PCDHGA5: variants seen among roughly 807,000 people sequenced by gnomAD.
The protein encoded by PCDHGA5 is protocadherin gamma subfamily A, 5.
In PCDHGA5, 36 loss-of-function variants were observed where a neutral mutation model predicts 56.7. That is an observed-to-expected ratio of 0.64 (90% CI 0.49 to 0.84). The LOEUF (loss-of-function observed/expected upper bound fraction) is 0.84, where lower values mean the gene tolerates loss of function less well. Ranked by LOEUF, PCDHGA5 falls within the 40% of genes least tolerant of loss-of-function variation. The pLI is 0.00. For synonymous variants in PCDHGA5, 563 were observed against 520.2 expected (o/e 1.08, Z -1.12); for missense variants, 1,305 against 1,201.5 (o/e 1.09, Z -1.27).
chr5:141,390,855 A>G (rs941626765), intron 1 of PCDHGA5: 5 of 156,986 alleles, frequency 3.2e-5, no homozygotes, highest in African/African-American at 1.0e-4. Context: ...TATGCAGTGT[A>G]CGCTGTGTGT....
At position 141,431,566 on chromosome 5, in the gene PCDHGA5, T is replaced by G; in HGVS notation, c.2422-63241T>G. ...TGCTTGTAGTCAACGCTACCGACCCTGACGAAGGAGTCAATGCGGAAGTGA... is the reference window on the plus strand; with the variant it reads ...TGCTTGTAGTCAACGCTACCGACCCGGACGAAGGAGTCAATGCGGAAGTGA... On this transcript the variant is annotated intron_variant, in intron 1 of 3. Transcript: ENST00000518069. This position sits in a 1 kb window ranked among gnomAD's most constrained non-coding sequence, Gnocchi z 4.8. 6.2e-7 allele frequency: 1 copy of G among 1,614,128 alleles called. No homozygotes were observed. The highest frequency in any genetic ancestry group is 1.1e-5 in the South Asian group (1 of 91,088).
chr5:141,463,965 C>T (rs1207852177), intron 1 of PCDHGA5, among the ~76,000 whole-genome samples: 1 of 151,648 alleles, frequency 6.6e-6, no homozygotes, highest in African/African-American at 2.4e-5. Context: ...AAAATAGCTT[C>T]ATAAAACTCC....
chr5:141,371,872 C>A, intron 1 of PCDHGA5: 1 of 1,613,534 alleles, frequency 6.2e-7, no homozygotes, highest in Non-Finnish European at 8.5e-7. Context: ...TACATCGTGG[C>A]CAGTGACCTG....
At chr5:141,408,632 G>C (rs2154540395) in intron 1 of PCDHGA5, 3 of 1,613,952 alleles carry the variant, frequency 1.9e-6, no homozygotes, top group Non-Finnish European at 1.7e-6. Flanking sequence ...AGAAATTTTC[G>C]AATCTGCATC....
In PCDHGA5 at chr5:141,364,232, G is replaced by A; in HGVS notation, c.-99G>A. On this transcript the variant is annotated 5_prime_UTR_variant, in exon 1 of 4. Coordinates refer to ENST00000518069, the MANE Select transcript of PCDHGA5 (RefSeq NM_018918.3). The stretch of plus-strand genomic sequence containing the variant: ...CTCCTACGAAAAGCCAACGCTCCAC[G>A]CCCATTTTCGTCAGGGAATATGTAC... The A allele has an allele frequency of 1.4e-6, 2 of 1,395,048 alleles. No individual in the cohort carries two copies. Among genetic ancestry groups the A allele is most frequent in the Non-Finnish European group, 1.9e-6 (2 of 1,047,348 alleles). 86.4% of individuals were successfully genotyped at this position (1,395,048 alleles called of 1,614,324 possible).
Position 141,432,208 on chromosome 5 carries a change from G to A in PCDHGA5, c.2422-62599G>A, listed in dbSNP as rs150518735. The A allele has an allele frequency of 3.4e-5, 55 of 1,614,196 alleles. No individual in the cohort carries two copies. In the Middle Eastern group the frequency reaches 8.2e-4, roughly 24 times the overall value. Reference sequence around the variant, plus strand: ...CCGCCCACGACCCCGACTGTGAAGAGAACGCCCAGATCACTTATTCCCTGG... The same window carrying A: ...CCGCCCACGACCCCGACTGTGAAGAAAACGCCCAGATCACTTATTCCCTGG... On this transcript the variant is annotated intron_variant, in intron 1 of 3. Transcript: ENST00000518069. The surrounding 1 kb of genome is among the most constrained non-coding windows in gnomAD (Gnocchi z 6.0).
At chr5:141,418,944 C>T in intron 1 of PCDHGA5, 1 of 1,614,026 alleles carries the variant, frequency 6.2e-7, no homozygotes, top group Non-Finnish European at 8.5e-7. Context: ...GATTCCCCTC[C>T]AGGAGTGGTT....
intron 1 of PCDHGA5, among the ~76,000 whole-genome samples, chr5:141,480,451 T>G (rs2099519323): frequency 6.6e-6 from 1 of 152,136 alleles, no homozygotes; most frequent in African/African-American, 2.4e-5. Flanking sequence ...ATAATTATTT[T>G]TATTAGTTCC....
intron 1 of PCDHGA5, among the ~76,000 whole-genome samples, chr5:141,434,571 T>C (rs2154556263): frequency 6.6e-6 from 1 of 152,374 alleles, no homozygotes; most frequent in South Asian, 2.1e-4. Flanking sequence ...GACATGCCCC[T>C]GCTGCAGATA....
At chr5:141,410,418 T>C (rs2095390746) in intron 1 of PCDHGA5, 26 of 1,614,052 alleles carry the variant, frequency 1.6e-5, no homozygotes, top group Non-Finnish European at 2.2e-5. Context: ...GGACCTGTAG[T>C]TCCCCCCAAC....
chr5:141,449,588 C>CAAA (rs768743917), intron 1 of PCDHGA5, among the ~76,000 whole-genome samples: 1 of 57,476 alleles, frequency 1.7e-5, no homozygotes, highest in East Asian at 5.2e-4. Context: ...GACTCTGTCT[C>CAAA]AAAAAAAAAA....
intron 1 of PCDHGA5, among the ~76,000 whole-genome samples, chr5:141,443,905 A>G (rs963772369): frequency 6.6e-6 from 1 of 152,204 alleles, no homozygotes; most frequent in Admixed American, 6.5e-5. Context: ...TAGTAGGAAA[A>G]TTCATAAAAG....
chr5:141,400,133 C>T, intron 1 of PCDHGA5: 1 of 1,614,066 alleles, frequency 6.2e-7, no homozygotes, highest in Non-Finnish European at 8.5e-7. Context: ...GAGGTGCTGC[C>T]GGATATCACT....
chr5:141,500,574 G>A (rs2099801457), intron 2 of PCDHGA5, among the ~76,000 whole-genome samples: 1 of 152,164 alleles, frequency 6.6e-6, no homozygotes, highest in African/African-American at 2.4e-5. Context: ...ACACTTTCAT[G>A]TGACACTTTA....
At chr5:141,403,270 T>C (rs1284833810) in intron 1 of PCDHGA5, 2 of 1,613,770 alleles carry the variant, frequency 1.2e-6, no homozygotes, top group African/African-American at 1.3e-5. Flanking sequence ...TGGTGAACTT[T>C]AAAGTCCTGG....
chr5:141,457,127 C>G (rs2098910262), intron 1 of PCDHGA5, among the ~76,000 whole-genome samples: 1 of 152,200 alleles, frequency 6.6e-6, no homozygotes, highest in Admixed American at 6.5e-5. Flanking sequence ...AATGGAAACT[C>G]TGTCCAATAT....
Position 141,489,267 on chromosome 5 carries a change from C to G in PCDHGA5, c.2422-5540C>G. 6.4e-7 allele frequency: 1 copy of G among 1,553,302 alleles called. No homozygotes were observed. Among genetic ancestry groups the G allele is most frequent in the Non-Finnish European group, 8.7e-7 (1 of 1,149,864 alleles). The stretch of plus-strand genomic sequence containing the variant: ...TGGGGCCCAAGACACTCCCACAGCT[C>G]GCTGGGAAATGGCAAGTGCTGTGCA... On this transcript the variant is annotated intron_variant, in intron 1 of 3. Coordinates refer to ENST00000518069, the MANE Select transcript of PCDHGA5 (RefSeq NM_018918.3). The surrounding 1 kb of genome is among the most constrained non-coding windows in gnomAD (Gnocchi z 4.5).
intron 1 of PCDHGA5, chr5:141,370,631 C>A (rs1192871928): frequency 6.2e-7 from 1 of 1,613,710 alleles, no homozygotes; most frequent in South Asian, 1.1e-5. Flanking sequence ...CCGTGAGCCC[C>A]GAAAATGGGA....
chr5:141,403,875 A>G (rs1311532081), intron 1 of PCDHGA5: 1 of 1,613,816 alleles, frequency 6.2e-7, no homozygotes, highest in South Asian at 1.1e-5. Context: ...AAAAGTCTAG[A>G]TTATGAAGAA....
Sources: gnomAD v4.1 joint callset for allele counts (sites outside exome capture counted in the v4.1 genomes callset) on GRCh38, gnomAD v4.1.1 for gene constraint, Gnocchi (gnomAD v3.1) non-coding constraint, MANE v1.5 for transcripts, NCBI Gene and HGNC (gene_info 2026-07-23, HGNC 2026-07-21) for gene names.